The following DOCK7 variants were observed in gnomAD, a reference collection of about 807,000 sequenced individuals.
DOCK7 encodes the protein dedicator of cytokinesis protein 7.
A neutral mutation model predicts 271.0 loss-of-function variants in DOCK7; 138 were observed. That is an observed-to-expected ratio of 0.51 (90% CI 0.44 to 0.59). DOCK7 has a LOEUF of 0.59. DOCK7 is among the 20% of genes least tolerant of loss of function. DOCK7 has a pLI of 0.00. For synonymous variants in DOCK7, 823 were observed against 876.1 expected (o/e 0.94, Z 1.07); for missense variants, 2,066 against 2,592.4 (o/e 0.80, Z 4.41).
chr1:62,604,029 TACG>T (rs755650059), intron 14 of DOCK7: 4 of 1,613,128 alleles, frequency 2.5e-6, no homozygotes, highest in Middle Eastern at 1.7e-4. Context: ...AATTATGTTT[TACG>T]AATTGAGTTG....
In DOCK7 at chr1:62,477,818, A is replaced by G; in HGVS notation, c.5516T>C (p.Phe1839Ser). The change falls in exon 44 of 50, where the codon TTT (phenylalanine) becomes TCT (serine). Residue 1839 changes from phenylalanine (F) to serine (S), a missense_variant. Physicochemically the swap from Phe to Ser is radical, Grantham distance 155. This residue lies in a region of DOCK7 where 652 missense variants were observed against 922.1 expected (regional missense o/e 0.71). Coordinates refer to ENST00000635253, the MANE Select transcript of DOCK7 (RefSeq NM_001367561.1). ...AAAACCAACACGAAAATAGGTGCCAAACATCCGCTTACCATCCTAGGTTTA... is the reference window on the plus strand; with the variant it reads ...AAAACCAACACGAAAATAGGTGCCAGACATCCGCTTACCATCCTAGGTTTA... ...VHQSTGWERMFGTYFRVGFYG... is the reference protein window; with the variant it reads ...VHQSTGWERMSGTYFRVGFYG... 1 of 1,607,512 alleles carries G rather than the reference A, an allele frequency of 6.2e-7. No homozygotes were observed. Among genetic ancestry groups the G allele is most frequent in the Non-Finnish European group, 8.5e-7 (1 of 1,177,974 alleles).
chr1:62,604,368 T>G, intron 14 of DOCK7: 1 of 1,118,352 alleles, frequency 8.9e-7, no homozygotes, highest in Non-Finnish European at 1.3e-6. Context: ...GACGAAAACC[T>G]CTTAACTATA....
intron 1 of DOCK7, among the ~76,000 whole-genome samples, chr1:62,683,434 C>T (rs1243585794): frequency 6.6e-6 from 1 of 152,158 alleles, no homozygotes; most frequent in Non-Finnish European, 1.5e-5. Context: ...AGTCGATATC[C>T]AGGAAATCCC....
chr1:62,613,320 A>G (rs1454656247), intron 14 of DOCK7, among the ~76,000 whole-genome samples: 4 of 152,158 alleles, frequency 2.6e-5, no homozygotes, highest in Admixed American at 1.3e-4. Flanking sequence ...AAACTACCAT[A>G]TATTTGTGTA....
At chr1:62,480,274 T>C (rs933640237) in intron 43 of DOCK7, among the ~76,000 whole-genome samples, 7 of 152,208 alleles carry the variant, frequency 4.6e-5, no homozygotes, top group Admixed American at 3.9e-4. Flanking sequence ...ATCTGAACAC[T>C]GAATTTTATT....
chr1:62,475,544 G>C, intron 46 of DOCK7, 163 bp downstream of exon 46: 3 of 1,071,120 alleles, frequency 2.8e-6, no homozygotes, highest in East Asian at 2.4e-5. Context: ...GGGTGAATTA[G>C]GGTCTTAGAA....
intron 14 of DOCK7, chr1:62,602,401 C>T (rs1284698225): frequency 6.3e-7 from 1 of 1,588,328 alleles, no homozygotes; most frequent in African/African-American, 1.3e-5. Flanking sequence ...TACATTCAAT[C>T]ATTCATTCAC....
At chr1:62,535,716 C>G in intron 28 of DOCK7, 84 bp from the exon 29 acceptor site, 1 of 1,362,656 alleles carries the variant, frequency 7.3e-7, no homozygotes, top group Admixed American at 2.6e-5. Flanking sequence ...AAATGAAATA[C>G]TTTTTCCCAG....
chr1:62,534,403 C>G (rs1031270117), intron 29 of DOCK7, among the ~76,000 whole-genome samples: 2 of 152,118 alleles, frequency 1.3e-5, no homozygotes, highest in South Asian at 4.1e-4. Context: ...CACTCGAGGC[C>G]AGGAGTTGGG....
chr1:62,669,745 G>A (rs371552496), intron 1 of DOCK7, among the ~76,000 whole-genome samples: 11 of 152,220 alleles, frequency 7.2e-5, no homozygotes, highest in Admixed American at 3.9e-4. Flanking sequence ...CAGAGCCCTC[G>A]CTTGCTCTCG....
At chr1:62,566,785 G>C (rs1466172620) in intron 18 of DOCK7, among the ~76,000 whole-genome samples, 3 of 152,134 alleles carry the variant, frequency 2.0e-5, no homozygotes, top group African/African-American at 7.2e-5. Context: ...GAAAATTTTT[G>C]CAATCTATCT....
At chr1:62,644,525 C>T (rs1257966461) in intron 7 of DOCK7, among the ~76,000 whole-genome samples, 1 of 152,192 alleles carries the variant, frequency 6.6e-6, no homozygotes, top group Non-Finnish European at 1.5e-5. Context: ...CTACAGAACA[C>T]TTACTCCTGG....
chr1:62,539,601 A>G lies in DOCK7; in HGVS notation c.3244T>C (p.Leu1082=). 1 of 1,614,020 alleles carries G rather than the reference A, an allele frequency of 6.2e-7. No homozygotes were observed. Among genetic ancestry groups the G allele is most frequent in the Non-Finnish European group, 8.5e-7 (1 of 1,179,940 alleles). The change falls in exon 27 of 50, where the codon TTG becomes CTG. Residue 1082 remains leucine (L), a synonymous_variant. Coordinates refer to ENST00000635253, the MANE Select transcript of DOCK7 (RefSeq NM_001367561.1). ...ACAAATCCTCTGTCCATAACAGACA[A>G]CAGATCATTGAGAAAGAATGCAAGG... ...TSLAFFLNDL[L]SVMDRGFVFS...
At chr1:62,608,778 C>G (rs777840403) in intron 14 of DOCK7, 1 of 152,130 alleles carries the variant, frequency 6.6e-6, no homozygotes, top group Non-Finnish European at 1.5e-5. Context: ...TTTCCATACA[C>G]TCTGTCATCC....
At chr1:62,612,603 T>C (rs1411170974) in intron 14 of DOCK7, among the ~76,000 whole-genome samples, 5 of 152,202 alleles carry the variant, frequency 3.3e-5, no homozygotes, top group Non-Finnish European at 7.3e-5. Context: ...ATTTTAGGTG[T>C]AGGTGTATTA....
chr1:62,463,341 T>C (rs1286729155), intron 48 of DOCK7, among the ~76,000 whole-genome samples: 3 of 152,192 alleles, frequency 2.0e-5, no homozygotes, highest in Non-Finnish European at 4.4e-5. Flanking sequence ...GGTTAGGATA[T>C]ATAGTAATAG....
intron 1 of DOCK7, among the ~76,000 whole-genome samples, chr1:62,667,086 T>C (rs1052120437): frequency 2.6e-5 from 4 of 152,188 alleles, no homozygotes; most frequent in African/African-American, 9.6e-5. Flanking sequence ...CCACTCCTAC[T>C]TTCAGACACC....
chr1:62,506,981 T>TAAATAAATAAAA lies in DOCK7; in HGVS notation c.4476+980_4476+981insTTTTATTTATTT, dbSNP rs1334192984. Among the ~76,000 whole-genome samples, 12 of 150,728 alleles carry TAAATAAATAAAA rather than the reference T, an allele frequency of 8.0e-5. 1 individual carries two copies. The highest frequency in any genetic ancestry group is 7.3e-4 in the Admixed American group (11 of 15,134). On this transcript the variant is annotated intron_variant, in intron 35 of 49. Coordinates refer to ENST00000635253, the MANE Select transcript of DOCK7 (RefSeq NM_001367561.1). ...ATAAATAAATAAATAAATAAATAAA[T>TAAATAAATAAAA]AAAATAGAGTAGAGTCAGGGTTTTG...
chr1:62,672,990 C>T (rs769428699), intron 1 of DOCK7, among the ~76,000 whole-genome samples: 34 of 152,164 alleles, frequency 2.2e-4, no homozygotes, highest in Non-Finnish European at 4.4e-4. Context: ...ACTAGAATGA[C>T]TACCACCATT....
Sources: allele counts gnomAD v4.1 joint callset (sites outside exome capture counted in the v4.1 genomes callset), GRCh38; gene constraint gnomAD v4.1.1; regional missense constraint gnomAD v4.1.1; transcripts MANE v1.5; gene names NCBI Gene and HGNC (gene_info 2026-07-23, HGNC 2026-07-21).